The following KLF16 variants were observed in gnomAD, a reference collection of about 807,000 sequenced individuals.
KLF16 encodes the protein KLF transcription factor 16.
Under a neutral mutation model 6.1 loss-of-function variants are expected in KLF16, and 6 were observed. The observed-to-expected ratio is 0.98, with a 90% CI of 0.54 to 1.93. The LOEUF is 1.93. Among genes scored for constraint, KLF16 ranks in the 30% most tolerant of loss-of-function variants. The pLI is 0.01. For synonymous variants in KLF16, 211 were observed against 176.5 expected (o/e 1.20, Z -1.55); for missense variants, 355 against 363.8 (o/e 0.98, Z 0.20).
rs946961126 is a variant in KLF16, at chr19:1,856,950, C to CGG, written c.458-2192_458-2191dup. 5.3e-4 allele frequency among the ~76,000 whole-genome samples: 23 copies of CGG among 43,250 alleles called. 4 individuals carry two copies. Among genetic ancestry groups the CGG allele is most frequent in the African/African-American group, 2.9e-3 (15 of 5,110 alleles). 28.4% of individuals were successfully genotyped at this position (43,250 alleles called of 152,430 possible). A position where few individuals can be genotyped will look rare whatever the true frequency, so the allele number is the denominator to read the frequency against. On this transcript the variant is annotated intron_variant, in intron 1 of 1. Coordinates refer to ENST00000250916, the MANE Select transcript of KLF16 (RefSeq NM_031918.4). ...CACTTTGCAAGGAGGAGCAGGTTGC[C>CGG]GGGGTGGGGGGGGCGACCGGGGCAG...
At chr19:1,873,982 C>G in the KLF16 span, among the ~76,000 whole-genome samples, 1 of 152,254 alleles carries the variant, frequency 6.6e-6, no homozygotes, top group Non-Finnish European at 1.5e-5. Context: ...AGGCCAGCAT[C>G]GCGCACCGTG....
At chr19:1,854,809 G>A (rs776674839) in intron 1 of KLF16, 49 bp from the exon 2 acceptor site, 2 of 1,580,212 alleles carry the variant, frequency 1.3e-6, no homozygotes, top group Non-Finnish European at 1.7e-6. Context: ...GGCGGGGGGA[G>A]ATGACAGACA....
chr19:1,866,538 C>G (rs2012190985), upstream of KLF16, among the ~76,000 whole-genome samples: 1 of 151,806 alleles, frequency 6.6e-6, no homozygotes. Flanking sequence ...CGCTTGAACC[C>G]AGGAGGCGGA....
At chr19:1,858,282 G>T (rs58093682) in intron 1 of KLF16, among the ~76,000 whole-genome samples, 1 of 152,084 alleles carries the variant, frequency 6.6e-6, no homozygotes. Flanking sequence ...CCCAGACTGC[G>T]CTTGGCTTTC....
intron 1 of KLF16, among the ~76,000 whole-genome samples, chr19:1,855,454 G>C: frequency 6.6e-6 from 1 of 151,994 alleles, no homozygotes; most frequent in Non-Finnish European, 1.5e-5. Context: ...AAGGGGCGGG[G>C]CCCGGCGGGC....
upstream of KLF16, among the ~76,000 whole-genome samples, chr19:1,866,074 C>T (rs2012183907): frequency 6.6e-6 from 1 of 152,106 alleles, no homozygotes; most frequent in Non-Finnish European, 1.5e-5. Flanking sequence ...GAGGCCAAGG[C>T]TGGCAGATCA....
At position 1,854,457 on chromosome 19, in the gene KLF16, C is replaced by A; in HGVS notation, c.*2G>T. The stretch of plus-strand genomic sequence containing the variant: ...GCGGTCAGGGTGGGCTGCACGAGGG[C>A]CCTACAGGCCTGCGGGGGCTGGGCT... On this transcript the variant is annotated 3_prime_UTR_variant, in exon 2 of 2. Coordinates refer to ENST00000250916, the MANE Select transcript of KLF16 (RefSeq NM_031918.4). 7.1e-7 allele frequency: 1 copy of A among 1,404,396 alleles called. No individual in the cohort carries two copies. 87.0% of individuals were successfully genotyped at this position (1,404,396 alleles called of 1,614,324 possible). A position where few individuals can be genotyped will look rare whatever the true frequency, so the allele number is the denominator to read the frequency against.
the KLF16 span, among the ~76,000 whole-genome samples, chr19:1,869,784 T>C: frequency 6.6e-6 from 1 of 152,126 alleles, no homozygotes; most frequent in African/African-American, 2.4e-5. Flanking sequence ...ATTTTTTAAA[T>C]TTCATTTTCT....
Position 1,863,574 on chromosome 19 carries a change from T to C in KLF16, c.-77A>G, listed in dbSNP as rs1007605531. ...CGTCCGTCCGGCCGGCGGCGGCTGC[T>C]CGAGTGCGGGAGGCGGAGGAGGAGG... is the stretch of plus-strand genomic sequence containing the variant. On this transcript the variant is annotated 5_prime_UTR_variant, in exon 1 of 2. Transcript: ENST00000250916. 4.4e-6 allele frequency: 3 copies of C among 688,934 alleles called. No homozygotes were observed. The highest frequency in any genetic ancestry group is 5.3e-6 in the Non-Finnish European group (3 of 564,690). 42.7% of individuals were successfully genotyped at this position (688,934 alleles called of 1,614,324 possible). A position where few individuals can be genotyped will look rare whatever the true frequency, so the allele number is the denominator to read the frequency against.
chr19:1,867,960 G>A (rs1246383748), upstream of KLF16, among the ~76,000 whole-genome samples: 1 of 151,224 alleles, frequency 6.6e-6, no homozygotes, highest in Non-Finnish European at 1.5e-5. Context: ...GTGTGTGTGT[G>A]TGCGTGCGCG....
rs181790271 is a variant in KLF16 at position 1,859,081 on chromosome 19, C to T, written c.457+3960G>A. ...GGAGGGCAGTCCCTGGCCCCCTACC[C>T]CCCACCCCCTATGGCCTGGCACTGC... On this transcript the variant is annotated intron_variant, in intron 1 of 1. Coordinates refer to ENST00000250916, the MANE Select transcript of KLF16 (RefSeq NM_031918.4). Among the ~76,000 whole-genome samples, 669 of 152,100 alleles carry T rather than the reference C, an allele frequency of 4.4e-3. 2 individuals are homozygous for T. The highest frequency in any genetic ancestry group is 7.6e-3 in the Non-Finnish European group (513 of 67,918).
chr19:1,873,196 G>A, the KLF16 span, among the ~76,000 whole-genome samples: 9 of 152,202 alleles, frequency 5.9e-5, 1 homozygote, highest in Admixed American at 2.0e-4. Flanking sequence ...ATGGGACGAC[G>A]GATGAATGCA....
chr19:1,873,683 G>A, the KLF16 span, among the ~76,000 whole-genome samples: 1 of 152,158 alleles, frequency 6.6e-6, no homozygotes, highest in Non-Finnish European at 1.5e-5. Flanking sequence ...CTGGCCCCGG[G>A]CCATACCAAG....
chr19:1,860,134 T>A (rs1428169343), intron 1 of KLF16: 1 of 125,972 alleles, frequency 7.9e-6, no homozygotes, highest in African/African-American at 3.5e-5. Context: ...GGGGGGGCCC[T>A]CCGGGGATGC....
intron 1 of KLF16, among the ~76,000 whole-genome samples, chr19:1,856,950 C>CGGGGGGG (rs946961126): frequency 6.9e-5 from 3 of 43,258 alleles, no homozygotes; most frequent in East Asian, 1.6e-3. Flanking sequence ...AGCAGGTTGC[C>CGGGGGGG]GGGGTGGGGG....
chr19:1,860,557 CT>C, intron 1 of KLF16: 1 of 152,328 alleles, frequency 6.6e-6, no homozygotes, highest in East Asian at 1.9e-4. Flanking sequence ...GGGGGTGGAA[CT>C]CGTTCTCAAT....
At chr19:1,868,581 C>T in the KLF16 span, among the ~76,000 whole-genome samples, 11 of 145,456 alleles carry the variant, frequency 7.6e-5, no homozygotes, top group Non-Finnish European at 1.6e-4. Context: ...CAGGTTTCAG[C>T]GATTCTCCTG....
chr19:1,864,544 G>T (rs1467229874), upstream of KLF16, among the ~76,000 whole-genome samples: 5 of 152,184 alleles, frequency 3.3e-5, no homozygotes, highest in African/African-American at 7.2e-5. Context: ...CAGAGGGTCG[G>T]GATAGGGGGA....
Position 1,856,950 on chromosome 19 carries a change from C to CGGGGGG in KLF16, c.458-2191_458-2190insCCCCCC, listed in dbSNP as rs946961126. Among the ~76,000 whole-genome samples, 18 of 43,256 alleles carry CGGGGGG rather than the reference C, an allele frequency of 4.2e-4. No individual in the cohort carries two copies. In the East Asian group the frequency reaches 6.2e-3, roughly 15 times the overall value. The allele number at this position is 43,256 out of a possible 152,430, so 28.4% of individuals were successfully genotyped here. On this transcript the variant is annotated intron_variant, in intron 1 of 1. Coordinates refer to ENST00000250916, the MANE Select transcript of KLF16 (RefSeq NM_031918.4). The stretch of plus-strand genomic sequence containing the variant: ...CACTTTGCAAGGAGGAGCAGGTTGC[C>CGGGGGG]GGGGTGGGGGGGGCGACCGGGGCAG...
Sources: allele counts gnomAD v4.1 joint callset (sites outside exome capture counted in the v4.1 genomes callset), GRCh38; gene constraint gnomAD v4.1.1; transcripts MANE v1.5; gene names NCBI Gene and HGNC (gene_info 2026-07-23, HGNC 2026-07-21).